SIN3A: variants seen among roughly 807,000 people sequenced by gnomAD.
The protein encoded by SIN3A is paired amphipathic helix protein Sin3a.
In SIN3A, 14 loss-of-function variants were observed where a neutral mutation model predicts 146.1. The ratio of observed to expected loss-of-function variants is 0.10; its 90% CI spans 0.06 to 0.15. SIN3A has a LOEUF of 0.15. SIN3A is among the 10% of genes least tolerant of loss of function. The probability of loss-of-function intolerance (pLI) is 1.00; values close to 1 mark genes in which losing one functional copy is unlikely to be tolerated. For missense variants in SIN3A, 1,028 were observed against 1,576.0 expected, an observed-to-expected ratio of 0.65 and a Z score of 5.89; for synonymous variants, 572 against 572.0, an observed-to-expected ratio of 1.00 and a Z score of 0.00.
chr15:75,425,947 C>T (rs2073916753), intron 2 of SIN3A, among the ~76,000 whole-genome samples: 2 of 152,060 alleles, frequency 1.3e-5, no homozygotes, highest in Admixed American at 1.3e-4. Context: ...TCCACAGAAA[C>T]AAAACAAGGT....
intron 16 of SIN3A, among the ~76,000 whole-genome samples, chr15:75,387,580 C>T (rs930564396): frequency 8.5e-5 from 10 of 117,600 alleles, no homozygotes; most frequent in Middle Eastern, 6.0e-3. Context: ...AAAAAAAAAG[C>T]GGGGGGTGGG....
Position 75,374,209 on chromosome 15 carries a change from T to A in SIN3A, c.3591+1456A>T, listed in dbSNP as rs534254820. Among the ~76,000 whole-genome samples, 10 of 152,032 alleles carry A rather than the reference T, an allele frequency of 6.6e-5. No individual in the cohort carries two copies. In the South Asian group the frequency reaches 2.1e-3, roughly 32 times the overall value. The stretch of plus-strand genomic sequence containing the variant: ...TTGTCAATTAAATATCTAAATAATA[T>A]CTACATCTGGGCGTGGTGGCTCACG... On this transcript the variant is annotated intron_variant, in intron 20 of 20. Coordinates refer to ENST00000394947, the MANE Select transcript of SIN3A (RefSeq NM_001145358.2).
intron 9 of SIN3A, among the ~76,000 whole-genome samples, chr15:75,404,102 G>C (rs1433735523): frequency 6.6e-6 from 1 of 152,164 alleles, no homozygotes; most frequent in East Asian, 1.9e-4. Flanking sequence ...GTGATCCTTT[G>C]GTGAAGACCA....
chr15:75,401,365 T>C (rs181442454), intron 10 of SIN3A, among the ~76,000 whole-genome samples: 21 of 151,884 alleles, frequency 1.4e-4, no homozygotes, highest in Non-Finnish European at 3.1e-4. Flanking sequence ...CCGTCTCTAC[T>C]AAAAAACATA....
intron 1 of SIN3A, among the ~76,000 whole-genome samples, chr15:75,436,832 T>C (rs2074116362): frequency 6.6e-6 from 1 of 151,248 alleles, no homozygotes; most frequent in South Asian, 2.1e-4. Context: ...GTACTATAAA[T>C]TGGGAAAGGG....
chr15:75,454,013 A>T (rs986942724), upstream of SIN3A: 8 of 152,204 alleles, frequency 5.3e-5, no homozygotes, highest in Admixed American at 2.0e-4. Context: ...GAGCGCGCTC[A>T]AGAGCGGAGG....
intron 9 of SIN3A, among the ~76,000 whole-genome samples, chr15:75,403,701 C>T (rs1329087853): frequency 1.3e-5 from 2 of 151,912 alleles, no homozygotes; most frequent in African/African-American, 4.8e-5. Context: ...CCACAACGCC[C>T]AGCTAATGTT....
chr15:75,373,891 A>G (rs756347767), intron 20 of SIN3A, among the ~76,000 whole-genome samples: 6 of 152,206 alleles, frequency 3.9e-5, no homozygotes, highest in Non-Finnish European at 8.8e-5. Context: ...CAAAAATTAT[A>G]CACAGATTTG....
At chr15:75,448,477 G>C (rs2074346851) in intron 1 of SIN3A, among the ~76,000 whole-genome samples, 1 of 149,210 alleles carries the variant, frequency 6.7e-6, no homozygotes, top group South Asian at 2.1e-4. Context: ...CTGGGAGACA[G>C]AGCAGGACTC....
At chr15:75,438,062 G>A (rs573879561) in intron 1 of SIN3A, among the ~76,000 whole-genome samples, 1 of 152,060 alleles carries the variant, frequency 6.6e-6, no homozygotes, top group Non-Finnish European at 1.5e-5. Flanking sequence ...AAGTCACCTG[G>A]CCATGTGTTA....
chr15:75,392,918 A>C, intron 14 of SIN3A, 103 bp from the exon 15 acceptor site: 1 of 891,474 alleles, frequency 1.1e-6, no homozygotes. Context: ...CACAGTGTCT[A>C]TATTTTTCTA....
Position 75,392,944 on chromosome 15 carries a change from C to A in SIN3A, c.2278-129G>T, listed in dbSNP as rs2073235447. 3 of 725,602 alleles carry A rather than the reference C, an allele frequency of 4.1e-6. No individual in the cohort carries two copies. The South Asian group carries it at 5.8e-5, about 14-fold the overall frequency. 44.9% of individuals were successfully genotyped at this position (725,602 alleles called of 1,614,324 possible). A position where few individuals can be genotyped will look rare whatever the true frequency, so the allele number is the denominator to read the frequency against. On this transcript the variant is annotated intron_variant, in intron 14 of 20. Transcript: ENST00000394947. The stretch of plus-strand genomic sequence containing the variant: ...TATTTTTCTAATCAAAAACTTAGGA[C>A]CTGGGACTGGGAGCGGTGGCTCACG...
intron 1 of SIN3A, among the ~76,000 whole-genome samples, chr15:75,432,200 T>C (rs1239089918): frequency 6.6e-6 from 1 of 152,238 alleles, no homozygotes; most frequent in Middle Eastern, 3.2e-3. Context: ...TATTTGCCAC[T>C]AATCAACTAC....
intron 17 of SIN3A, 137 bp downstream of exon 17, chr15:75,384,127 G>C (rs1399627103): frequency 3.8e-6 from 2 of 523,244 alleles, no homozygotes; most frequent in Non-Finnish European, 6.6e-6. Flanking sequence ...CCACTTTGTA[G>C]TTCTCTGGTG....
At chr15:75,438,201 A>G (rs1377861457) in intron 1 of SIN3A, among the ~76,000 whole-genome samples, 1 of 152,120 alleles carries the variant, frequency 6.6e-6, no homozygotes, top group African/African-American at 2.4e-5. Context: ...TCTTTACTAA[A>G]GCACGAAAAA....
At chr15:75,455,721 C>G (rs2074478741), upstream of SIN3A, 1 of 152,232 alleles carries the variant, frequency 6.6e-6, no homozygotes, top group South Asian at 2.1e-4. Context: ...GACCGAGCGG[C>G]CGGCGGACTA....
At chr15:75,385,045 A>T (rs538261615) in intron 16 of SIN3A, among the ~76,000 whole-genome samples, 2 of 152,170 alleles carry the variant, frequency 1.3e-5, no homozygotes, top group African/African-American at 4.8e-5. Flanking sequence ...TGGTGGCAGG[A>T]GCCTGTAATC....
At chr15:75,389,536 A>G in intron 16 of SIN3A, 116 bp downstream of exon 16, 2 of 983,380 alleles carry the variant, frequency 2.0e-6, no homozygotes, top group East Asian at 4.8e-5. Flanking sequence ...TCTCTTCAGA[A>G]CCCTACGTTC....
At chr15:75,441,554 G>T (rs568481246) in intron 1 of SIN3A, among the ~76,000 whole-genome samples, 6 of 152,002 alleles carry the variant, frequency 3.9e-5, no homozygotes, top group Non-Finnish European at 5.9e-5. Flanking sequence ...TCAGCCTCCC[G>T]AGTAGCTGGT....
Sources: gnomAD v4.1 joint callset for allele counts (sites outside exome capture counted in the v4.1 genomes callset) on GRCh38, gnomAD v4.1.1 for gene constraint, MANE v1.5 for transcripts, NCBI Gene and HGNC (gene_info 2026-07-23, HGNC 2026-07-21) for gene names.